CYLC2: variants seen among roughly 807,000 people sequenced by gnomAD.
CYLC2 encodes the protein cylicin 2.
In CYLC2, 30 loss-of-function variants were observed where a neutral mutation model predicts 26.1. The observed-to-expected ratio is 1.15, with a 90% confidence interval of 0.86 to 1.56. The LOEUF is 1.56. Ranked by LOEUF, CYLC2 falls within the 40% of genes most tolerant of loss-of-function variation. The probability of loss-of-function intolerance (pLI) is 0.00; values close to 1 mark genes in which losing one functional copy is unlikely to be tolerated. For missense variants in CYLC2, 498 were observed against 394.4 expected (o/e 1.26, Z -2.23); for synonymous variants, 158 against 132.8 (o/e 1.19, Z -1.31).
chr9:103,010,355 A>G (rs2118253549), intron 5 of CYLC2, among the ~76,000 whole-genome samples: 1 of 152,268 alleles, frequency 6.6e-6, no homozygotes, highest in East Asian at 1.9e-4. Context: ...AGTTAAAATA[A>G]CAGCAGCAGG....
chr9:103,015,510 A>G (rs1484349505), intron 6 of CYLC2, among the ~76,000 whole-genome samples: 1 of 141,252 alleles, frequency 7.1e-6, no homozygotes, highest in Non-Finnish European at 1.5e-5. Flanking sequence ...ATAAATATAT[A>G]TAATACATGT....
intron 5 of CYLC2, among the ~76,000 whole-genome samples, chr9:103,009,199 AT>A (rs1408467970): frequency 6.6e-6 from 1 of 151,950 alleles, no homozygotes; most frequent in Non-Finnish European, 1.5e-5. Flanking sequence ...TTCCAGATAT[AT>A]TTCATAGACT....
chr9:103,015,279 AT>A (rs1288962880), intron 6 of CYLC2, among the ~76,000 whole-genome samples: 2 of 115,422 alleles, frequency 1.7e-5, no homozygotes, highest in Admixed American at 1.1e-4. Flanking sequence ...ATATTTATAT[AT>A]TATATAATAT....
chr9:102,997,892 T>C (rs1171294184), intron 1 of CYLC2, among the ~76,000 whole-genome samples: 1 of 151,990 alleles, frequency 6.6e-6, no homozygotes, highest in East Asian at 1.9e-4. Flanking sequence ...AAAAATTTTT[T>C]ATGGTGATAG....
intron 6 of CYLC2, among the ~76,000 whole-genome samples, chr9:103,013,368 A>T (rs1463466326): frequency 9.2e-6 from 1 of 108,356 alleles, no homozygotes; most frequent in Non-Finnish European, 1.7e-5. Flanking sequence ...ATAAATATAT[A>T]TTTAATATAT....
At chr9:103,015,451 A>G (rs987696545) in intron 6 of CYLC2, among the ~76,000 whole-genome samples, 8 of 137,616 alleles carry the variant, frequency 5.8e-5, no homozygotes, top group African/African-American at 1.9e-4. Flanking sequence ...ATTAATATAT[A>G]TATTATATAA....
At chr9:103,003,347 G>C in intron 3 of CYLC2, 84 bp downstream of exon 3, 2 of 1,212,216 alleles carry the variant, frequency 1.6e-6, no homozygotes, top group Non-Finnish European at 1.2e-6. Flanking sequence ...ATTATAATTA[G>C]TCTTAAGTAA....
rs376103199 is a variant in CYLC2, at chr9:103,005,093, G to A, written c.462G>A (p.Lys154=). Residue 154 remains lysine, a synonymous_variant, in exon 5 of 8, where the codon AAG becomes AAA. Transcript: ENST00000374798. ...ATATAGAGAAAGGAAAAGAAGAAAA[G>A]CTAGATGCAAAGAAAGATAGCAAAA... ...GKDIEKGKEE[K]LDAKKDSKKG... 3.7e-6 allele frequency: 6 copies of A among 1,606,258 alleles called. No homozygotes were observed. The highest frequency in any genetic ancestry group is 1.1e-5 in the South Asian group (1 of 90,378).
At chr9:102,998,447 C>T (rs1829258191) in intron 1 of CYLC2, among the ~76,000 whole-genome samples, 1 of 151,794 alleles carries the variant, frequency 6.6e-6, no homozygotes, top group Non-Finnish European at 1.5e-5. Flanking sequence ...TGCAAATGCA[C>T]CCTGACCTAG....
At chr9:103,012,893 G>T (rs1189409723) in intron 6 of CYLC2, among the ~76,000 whole-genome samples, 2 of 150,908 alleles carry the variant, frequency 1.3e-5, no homozygotes, top group Non-Finnish European at 3.0e-5. Context: ...ATACAGAGAA[G>T]ATAGTGAGTA....
Position 103,006,017 on chromosome 9 carries a change from GACACACACACACACACACACACAC to G in CYLC2, c.*371_*394del, listed in dbSNP as rs201304746. ...TGAAGATAATGACACTAAATCTATG[GACACACACACACACACACACACAC>G]ACACACACACACACACACACACACA... is the stretch of plus-strand genomic sequence containing the variant. On this transcript the variant is annotated 3_prime_UTR_variant, in exon 5 of 8. Coordinates refer to ENST00000374798, the MANE Select transcript of CYLC2 (RefSeq NM_001340.5). The G allele has an allele frequency of 2.1e-3, 251 of 120,064 alleles. 5 individuals carry two copies. In the East Asian group the frequency reaches 0.048, roughly 23 times the overall value. 7.4% of individuals were successfully genotyped at this position (120,064 alleles called of 1,614,324 possible).
rs749116055 is a variant in CYLC2, at chr9:103,005,400, T to G, written c.769T>G (p.Ser257Ala). 1 of 1,613,344 alleles carries G rather than the reference T, an allele frequency of 6.2e-7. No individual in the cohort carries two copies. The highest frequency in any genetic ancestry group is 1.3e-5 in the African/African-American group (1 of 74,702). The change falls in exon 5 of 8, where the codon TCG (serine) becomes GCG (alanine). Residue 257 changes from serine to alanine, a missense_variant. By Grantham distance (99) the Ser-to-Ala change is moderately conservative. Coordinates refer to ENST00000374798, the MANE Select transcript of CYLC2 (RefSeq NM_001340.5). ...GKKDANKGDE[S>A]KDAKKDAKEI... Reference sequence around the variant, plus strand: ...AAAAGATGCAAACAAAGGTGATGAATCGAAGGATGCCAAGAAAGATGCAAA... The same window carrying G: ...AAAAGATGCAAACAAAGGTGATGAAGCGAAGGATGCCAAGAAAGATGCAAA...
intron 6 of CYLC2, among the ~76,000 whole-genome samples, chr9:103,014,352 CTAA>C (rs1322957894): frequency 1.5e-5 from 2 of 133,000 alleles, no homozygotes; most frequent in Non-Finnish European, 3.1e-5. Context: ...TATATATTAC[CTAA>C]TATTACATAA....
chr9:103,012,852 C>A (rs763877811), intron 6 of CYLC2, among the ~76,000 whole-genome samples: 1 of 151,030 alleles, frequency 6.6e-6, no homozygotes, highest in East Asian at 1.9e-4. Flanking sequence ...AGCAGTTTTA[C>A]GGTAGGCAAA....
intron 2 of CYLC2, among the ~76,000 whole-genome samples, chr9:103,002,649 G>A (rs150450484): frequency 2.0e-3 from 300 of 152,142 alleles, no homozygotes; most frequent in Non-Finnish European, 3.0e-3. Context: ...ACCGCGCCTG[G>A]CTGCATTTAC....
chr9:102,996,001 G>C (rs748971881), intron 1 of CYLC2, among the ~76,000 whole-genome samples: 35 of 151,764 alleles, frequency 2.3e-4, no homozygotes, highest in Non-Finnish European at 4.6e-4. Flanking sequence ...AAATAAGGTA[G>C]GTAAAGAGCA....
intron 6 of CYLC2, among the ~76,000 whole-genome samples, chr9:103,014,521 ATATGCAATATACATCATATGTATAT>A (rs1564101192): frequency 1.7e-5 from 2 of 114,574 alleles, no homozygotes; most frequent in Non-Finnish European, 3.7e-5. Flanking sequence ...TATACATAAT[ATATGCAATATACATCATATGTATAT>A]TATGCAGTAT....
chr9:103,001,201 G>C (rs987305630), intron 1 of CYLC2, among the ~76,000 whole-genome samples: 3 of 151,620 alleles, frequency 2.0e-5, no homozygotes, highest in Admixed American at 6.6e-5. Context: ...AGAGAATTTG[G>C]AGCATGAACT....
chr9:103,013,730 A>G lies in CYLC2; in HGVS notation c.*816+1633A>G, dbSNP rs979737940. On this transcript the variant is annotated intron_variant, in intron 6 of 7. Coordinates refer to ENST00000374798, the MANE Select transcript of CYLC2 (RefSeq NM_001340.5). ...ATATATTATATATATTATGCATTTT[A>G]TATATAATTATATATTATATTATAT... Among the ~76,000 whole-genome samples the G allele has an allele frequency of 1.7e-3, 191 of 111,390 alleles. 2 individuals are homozygous for G. The highest frequency in any genetic ancestry group is 7.0e-3 in the African/African-American group (188 of 27,028). The allele number at this position is 111,390 out of a possible 152,430, so 73.1% of individuals were successfully genotyped here.
Sources: gnomAD v4.1 joint callset for allele counts (sites outside exome capture counted in the v4.1 genomes callset) on GRCh38, gnomAD v4.1.1 for gene constraint, MANE v1.5 for transcripts, NCBI Gene and HGNC (gene_info 2026-07-23, HGNC 2026-07-21) for gene names.